CTNND2: variants seen among roughly 807,000 people sequenced by gnomAD.
The protein encoded by CTNND2 is catenin delta-2.
Under a neutral mutation model 144.4 loss-of-function variants are expected in CTNND2, and 22 were observed. That is an observed-to-expected ratio of 0.15 (90% CI 0.11 to 0.22). The LOEUF (loss-of-function observed/expected upper bound fraction) is 0.22. Among genes scored for constraint, CTNND2 ranks in the 10% least tolerant of loss-of-function variants. CTNND2 has a pLI of 1.00. For synonymous variants in CTNND2, 751 were observed against 695.6 expected (o/e 1.08, Z -1.25); for missense variants, 1,353 against 1,618.8 (o/e 0.84, Z 2.82).
intron 1 of CTNND2, among the ~76,000 whole-genome samples, chr5:11,755,982 A>T (rs1581831280): frequency 6.6e-6 from 1 of 151,722 alleles, no homozygotes; most frequent in South Asian, 2.1e-4. Context: ...TTGCTGAAGA[A>T]CTAGTGTGGT....
chr5:11,394,744 C>T (rs910801790), intron 6 of CTNND2, among the ~76,000 whole-genome samples: 4 of 152,140 alleles, frequency 2.6e-5, no homozygotes, highest in African/African-American at 4.8e-5. Flanking sequence ...GTTGTAGATC[C>T]TGGTGATGAT....
intron 1 of CTNND2, among the ~76,000 whole-genome samples, chr5:11,849,123 G>C (rs1794892893): frequency 6.6e-6 from 1 of 152,226 alleles, no homozygotes; most frequent in South Asian, 2.1e-4. Flanking sequence ...CACATGGCTA[G>C]GGAGGGCTCA....
rs116097170 is a variant in CTNND2, at chr5:11,758,666, T to C, written c.38-26394A>G. Among the ~76,000 whole-genome samples, 681 of 152,202 alleles carry C rather than the reference T, an allele frequency of 4.5e-3. 4 individuals are homozygous for C. The highest frequency in any genetic ancestry group is 0.014 in the African/African-American group (580 of 41,560). On this transcript the variant is annotated intron_variant, in intron 1 of 21. Coordinates refer to ENST00000304623, the MANE Select transcript of CTNND2 (RefSeq NM_001332.4). ...AATTACTTTATGTAACCATATCATA[T>C]AGTAAATCTTAGATATGAGTAAACA...
intron 3 of CTNND2, among the ~76,000 whole-genome samples, chr5:11,562,514 T>C (rs1251865343): frequency 1.3e-5 from 2 of 152,238 alleles, no homozygotes. Flanking sequence ...CAAATGCAGA[T>C]GCATACATTA....
chr5:11,313,820 G>A (rs925560563), intron 9 of CTNND2, among the ~76,000 whole-genome samples: 3 of 152,140 alleles, frequency 2.0e-5, no homozygotes, highest in Admixed American at 6.5e-5. Context: ...ATGGCTAAGA[G>A]GCCTCAGGAA....
At chr5:11,778,856 G>A (rs559874646) in intron 1 of CTNND2, among the ~76,000 whole-genome samples, 2 of 152,316 alleles carry the variant, frequency 1.3e-5, no homozygotes, top group South Asian at 2.1e-4. Context: ...GGAGGAAAGT[G>A]GGTGTGAGTC....
In CTNND2 at chr5:11,346,552, G is replaced by T. The variant is rs778030487; in HGVS notation, c.1448C>A (p.Ala483Glu). The part of the protein sequence containing the change: ...GSQHGPQNAA[A>E]ATFQRASYAA... The stretch of plus-strand genomic sequence containing the variant: ...ATAGCTGGCCCTCTGGAAGGTGGCC[G>T]CGGCGGCATTCTGTGGGCCGTGCTG... The change falls in exon 9 of 22, where the codon GCG (alanine) becomes GAG (glutamate). Residue 483 changes from alanine (A) to glutamate (E), a missense_variant. Physicochemically the swap from Ala to Glu is moderately radical, Grantham distance 107. Coordinates refer to ENST00000304623, the MANE Select transcript of CTNND2 (RefSeq NM_001332.4). The T allele has an allele frequency of 3.7e-6, 6 of 1,603,764 alleles. No homozygotes were observed. The highest frequency in any genetic ancestry group is 2.3e-5 in the East Asian group (1 of 44,024).
At chr5:11,675,729 C>CATATATGTGTGTGTAT (rs938356152) in intron 2 of CTNND2, among the ~76,000 whole-genome samples, 1 of 151,886 alleles carries the variant, frequency 6.6e-6, no homozygotes, top group African/African-American at 2.4e-5. Flanking sequence ...TATTACATCA[C>CATATATGTGTGTGTAT]ATATATGTGT....
chr5:11,760,902 T>A (rs149803426), intron 1 of CTNND2, among the ~76,000 whole-genome samples: 303 of 152,278 alleles, frequency 2.0e-3, no homozygotes, highest in African/African-American at 6.8e-3. Context: ...GTTGAATGAA[T>A]GAACGAATGA....
intron 2 of CTNND2, among the ~76,000 whole-genome samples, chr5:11,709,350 A>G (rs1401805648): frequency 3.3e-5 from 5 of 152,220 alleles, no homozygotes; most frequent in African/African-American, 4.8e-5. Context: ...CTCCAGGCCC[A>G]GCTACACAGC....
chr5:11,799,323 G>A (rs1158846280), intron 1 of CTNND2, among the ~76,000 whole-genome samples: 1 of 152,018 alleles, frequency 6.6e-6, no homozygotes, highest in African/African-American at 2.4e-5. Context: ...ATCCTGTATT[G>A]TTTTAATTTA....
intron 15 of CTNND2, among the ~76,000 whole-genome samples, chr5:11,092,500 A>C (rs1045407149): frequency 6.6e-6 from 1 of 152,178 alleles, no homozygotes; most frequent in Non-Finnish European, 1.5e-5. Flanking sequence ...TGCAGGGAAG[A>C]AATCACTGAG....
At chr5:10,996,111 G>A (rs983770724) in intron 18 of CTNND2, among the ~76,000 whole-genome samples, 5 of 152,174 alleles carry the variant, frequency 3.3e-5, no homozygotes, top group Non-Finnish European at 5.9e-5. Flanking sequence ...CCAAAAAGGA[G>A]CTGACTGGTC....
At chr5:11,881,365 A>G (rs1736098028) in intron 1 of CTNND2, among the ~76,000 whole-genome samples, 1 of 151,998 alleles carries the variant, frequency 6.6e-6, no homozygotes, top group African/African-American at 2.4e-5. Context: ...GTTACAGAAC[A>G]CTAGAACTTA....
rs192266318 is a variant in CTNND2, at chr5:11,717,432, C to A, written c.174+14704G>T. 2.9e-3 allele frequency among the ~76,000 whole-genome samples: 444 copies of A among 151,664 alleles called. 7 individuals carry two copies. In the East Asian group the frequency reaches 0.05, roughly 17 times the overall value. ...CTACTGCAAATACAAAAAAAATTAG[C>A]CGGGCATGGTGGCAGGCACCTGTAA... On this transcript the variant is annotated intron_variant, in intron 2 of 21. Coordinates refer to ENST00000304623, the MANE Select transcript of CTNND2 (RefSeq NM_001332.4).
intron 2 of CTNND2, among the ~76,000 whole-genome samples, chr5:11,647,971 C>T (rs1484878066): frequency 6.6e-6 from 1 of 152,138 alleles, no homozygotes; most frequent in Non-Finnish European, 1.5e-5. Flanking sequence ...AGCAGGCTTG[C>T]TTGGCTAAAT....
At chr5:11,561,701 T>A (rs1581502109) in intron 3 of CTNND2, among the ~76,000 whole-genome samples, 1 of 152,142 alleles carries the variant, frequency 6.6e-6, no homozygotes, top group African/African-American at 2.4e-5. Flanking sequence ...TACAAATGCA[T>A]ACTGATAATT....
At chr5:11,236,880 A>G in intron 9 of CTNND2, 57 bp from the exon 10 acceptor site, 1 of 1,582,688 alleles carries the variant, frequency 6.3e-7, no homozygotes, top group Non-Finnish European at 8.7e-7. Context: ...CCACACTGTT[A>G]ACACATGGTT....
intron 1 of CTNND2, among the ~76,000 whole-genome samples, chr5:11,849,951 A>G (rs535827266): frequency 1.3e-5 from 2 of 152,306 alleles, no homozygotes; most frequent in East Asian, 1.9e-4. Context: ...CAATCTGGCC[A>G]TAAGATAGGA....
Sources: gnomAD v4.1 joint callset for allele counts (sites outside exome capture counted in the v4.1 genomes callset) on GRCh38, gnomAD v4.1.1 for gene constraint, MANE v1.5 for transcripts, NCBI Gene and HGNC (gene_info 2026-07-23, HGNC 2026-07-21) for gene names.